Variants in RAPGEF2 observed in about 807,000 individuals in gnomAD.
RAPGEF2 encodes Rap guanine nucleotide exchange factor 2, also known as PDZ domain containing guanine nucleotide exchange factor (GEF) 1.
In RAPGEF2, 54 loss-of-function variants were observed where a neutral mutation model predicts 186.7. The ratio of observed to expected loss-of-function variants is 0.29; its 90% CI spans 0.23 to 0.36. The LOEUF (loss-of-function observed/expected upper bound fraction) is 0.36. RAPGEF2 is among the 10% of genes least tolerant of loss of function. The pLI is 1.00. For synonymous variants in RAPGEF2, 712 were observed against 705.9 expected, an observed-to-expected ratio of 1.01 and a Z score of -0.14; for missense variants, 1,532 against 2,045.0, an observed-to-expected ratio of 0.75 and a Z score of 4.84.
At chr4:159,324,040 G>T (rs1765600122) in intron 11 of RAPGEF2, among the ~76,000 whole-genome samples, 1 of 152,070 alleles carries the variant, frequency 6.6e-6, no homozygotes, top group African/African-American at 2.4e-5. Context: ...GGGACTACAG[G>T]CGTGCACCAC....
intron 9 of RAPGEF2, among the ~76,000 whole-genome samples, chr4:159,318,078 C>T (rs1764812030): frequency 1.3e-5 from 2 of 151,586 alleles, no homozygotes; most frequent in Non-Finnish European, 2.9e-5. Context: ...AAGTGCTTGT[C>T]AATATAATTG....
chr4:159,276,129 T>C (rs1263879329), intron 7 of RAPGEF2, among the ~76,000 whole-genome samples: 1 of 152,134 alleles, frequency 6.6e-6, no homozygotes, highest in African/African-American at 2.4e-5. Flanking sequence ...CAGTAAAGAT[T>C]TAGAATGATT....
At chr4:159,314,470 T>G in intron 8 of RAPGEF2, 121 bp from the exon 9 acceptor site, 3 of 892,948 alleles carry the variant, frequency 3.4e-6, no homozygotes, top group Non-Finnish European at 4.8e-6. Context: ...GCATACATAG[T>G]TGTTGGATGG....
At chr4:159,166,397 G>T (rs1354142087) in intron 1 of RAPGEF2, among the ~76,000 whole-genome samples, 1 of 152,220 alleles carries the variant, frequency 6.6e-6, no homozygotes, top group Non-Finnish European at 1.5e-5. Context: ...ACTGGGTGTG[G>T]CAGAGGCCTG....
chr4:159,124,544 GA>G (rs1340113664), intron 1 of RAPGEF2, among the ~76,000 whole-genome samples: 1 of 151,594 alleles, frequency 6.6e-6, no homozygotes, highest in Non-Finnish European at 1.5e-5. Context: ...GTCTAAAAGA[GA>G]AAAAAAATTT....
Position 159,345,348 on chromosome 4 carries a change from TGGCTGCAGACTTTGGCTAGGA to T in RAPGEF2, c.3502+20_3502+40del. 1 of 1,611,138 alleles carries T rather than the reference TGGCTGCAGACTTTGGCTAGGA, an allele frequency of 6.2e-7. No individual in the cohort carries two copies. Among genetic ancestry groups the T allele is most frequent in the Non-Finnish European group, 8.5e-7 (1 of 1,177,640 alleles). ...AACACATGTGAGTTTTTCCTTAAAG[TGGCTGCAGACTTTGGCTAGGA>T]TGCAGATTTGTTTCCTGTGCAGTGG... On this transcript the variant is annotated intron_variant, in intron 24 of 29. Coordinates refer to ENST00000691494, the MANE Select transcript of RAPGEF2 (RefSeq NM_001394067.2).
chr4:159,292,016 T>C (rs1268649197), intron 7 of RAPGEF2, among the ~76,000 whole-genome samples: 3 of 152,220 alleles, frequency 2.0e-5, no homozygotes, highest in Non-Finnish European at 4.4e-5. Flanking sequence ...ATAGTCTTTA[T>C]TTTGTATATG....
At chr4:159,152,629 G>GT (rs1272208674) in intron 1 of RAPGEF2, among the ~76,000 whole-genome samples, 5 of 151,620 alleles carry the variant, frequency 3.3e-5, no homozygotes, top group Admixed American at 6.6e-5. Flanking sequence ...TGTTTTTTTG[G>GT]TTTTTTTAGA....
At chr4:159,111,929 A>G (rs1388226252) in intron 1 of RAPGEF2, among the ~76,000 whole-genome samples, 1 of 152,226 alleles carries the variant, frequency 6.6e-6, no homozygotes, top group African/African-American at 2.4e-5. Context: ...TGCAATCAAG[A>G]AACAAAGCAA....
At chr4:159,180,957 A>G (rs1274294572) in intron 1 of RAPGEF2, among the ~76,000 whole-genome samples, 1 of 152,198 alleles carries the variant, frequency 6.6e-6, no homozygotes, top group Non-Finnish European at 1.5e-5. Flanking sequence ...ATCTTATTTA[A>G]TTTGTATGTT....
intron 1 of RAPGEF2, among the ~76,000 whole-genome samples, chr4:159,109,263 G>A (rs1738229424): frequency 6.6e-6 from 1 of 152,094 alleles, no homozygotes; most frequent in Non-Finnish European, 1.5e-5. Flanking sequence ...GGCTGAGGTG[G>A]GAGGATCTCT....
chr4:159,186,725 A>G lies in RAPGEF2; in HGVS notation c.140+13A>G. On this transcript the variant is annotated intron_variant, in intron 2 of 29. Transcript: ENST00000691494. The stretch of plus-strand genomic sequence containing the variant: ...AGCATCAACTTAGGTATGTCATTTT[A>G]ATATTCAGTTAATCATAGAATGGTA... The G allele has an allele frequency of 2.2e-6, 3 of 1,387,050 alleles. No individual in the cohort carries two copies. Among genetic ancestry groups the G allele is most frequent in the Non-Finnish European group, 2.9e-6 (3 of 1,024,964 alleles). The allele number at this position is 1,387,050 out of a possible 1,614,324, so 85.9% of individuals were successfully genotyped here. A position where few individuals can be genotyped will look rare whatever the true frequency, so the allele number is the denominator to read the frequency against.
intron 7 of RAPGEF2, among the ~76,000 whole-genome samples, chr4:159,274,246 T>G (rs1758558602): frequency 6.6e-6 from 1 of 152,214 alleles, no homozygotes; most frequent in Non-Finnish European, 1.5e-5. Context: ...TTTAAATCCT[T>G]AATGAAGTAC....
At position 159,103,705 on chromosome 4, in the gene RAPGEF2, G is replaced by C. The variant is rs1354634462; in HGVS notation, c.-458G>C. ...AGGAGGGGGCGACCCTCAGCGCCGT[G>C]GGGGAGGAGGCTCCGCCTGCCCACA... On this transcript the variant is annotated 5_prime_UTR_variant, in exon 1 of 30. Coordinates refer to ENST00000691494, the MANE Select transcript of RAPGEF2 (RefSeq NM_001394067.2). The C allele has an allele frequency of 1.3e-5, 2 of 152,608 alleles. No homozygotes were observed. The allele number at this position is 152,608 out of a possible 1,614,324, so 9.5% of individuals were successfully genotyped here. A position where few individuals can be genotyped will look rare whatever the true frequency, so the allele number is the denominator to read the frequency against.
At chr4:159,350,099 G>GA (rs1561333268) in intron 25 of RAPGEF2, 38 bp from the exon 26 acceptor site, 3 of 1,387,222 alleles carry the variant, frequency 2.2e-6, no homozygotes. Flanking sequence ...TTTCAGACTT[G>GA]AAAATACATA....
At chr4:159,236,991 T>A (rs1292624136) in intron 4 of RAPGEF2, among the ~76,000 whole-genome samples, 1 of 152,168 alleles carries the variant, frequency 6.6e-6, no homozygotes, top group Non-Finnish European at 1.5e-5. Context: ...TCAAATATGT[T>A]AAATATGATG....
At chr4:159,335,835 C>CAAAAAAA in intron 17 of RAPGEF2, among the ~76,000 whole-genome samples, 1 of 48,152 alleles carries the variant, frequency 2.1e-5, no homozygotes, top group Non-Finnish European at 4.2e-5. Flanking sequence ...GACTCCGTCT[C>CAAAAAAA]AAAAAAAAAA....
rs34284421 is a variant in RAPGEF2, at chr4:159,197,425, CCA to C, written c.197+4181_197+4182del. Among the ~76,000 whole-genome samples the C allele has an allele frequency of 1.2e-4, 18 of 151,682 alleles. No individual in the cohort carries two copies. The East Asian group carries it at 2.7e-3, about 23-fold the overall frequency. On this transcript the variant is annotated intron_variant, in intron 3 of 29. Coordinates refer to ENST00000691494, the MANE Select transcript of RAPGEF2 (RefSeq NM_001394067.2). ...TCAACCATTGCAAAAGTTTAAGTGT[CCA>C]CACACACACACGCCCACACTATAAA...
intron 1 of RAPGEF2, among the ~76,000 whole-genome samples, chr4:159,170,315 G>A (rs1419821704): frequency 6.6e-6 from 1 of 151,838 alleles, no homozygotes; most frequent in East Asian, 1.9e-4. Flanking sequence ...CCCCTATCAG[G>A]TGTATGGTTT....
Sources: allele counts gnomAD v4.1 joint callset (sites outside exome capture counted in the v4.1 genomes callset), GRCh38; gene constraint gnomAD v4.1.1; transcripts MANE v1.5; gene names NCBI Gene and HGNC (gene_info 2026-07-23, HGNC 2026-07-21).